The following SPA17 variants were observed in gnomAD, a reference collection of about 807,000 sequenced individuals.
SPA17 encodes the protein sperm autoantigenic protein 17, also known as sperm surface protein Sp17.
SPA17 carries 7 observed loss-of-function variants against 13.8 expected under a neutral mutation model. The observed-to-expected ratio is 0.51, with a 90% confidence interval of 0.29 to 0.95. The LOEUF (loss-of-function observed/expected upper bound fraction) is 0.95, where lower values mean the gene tolerates loss of function less well. Ranked by LOEUF, SPA17 falls within the 40% of genes least tolerant of loss-of-function variation. The pLI, the probability that SPA17 is intolerant of heterozygous loss-of-function variation, is 0.08. For synonymous variants in SPA17, 61 were observed against 59.0 expected (o/e 1.03, Z -0.16); for missense variants, 170 against 179.3 (o/e 0.95, Z 0.30).
intron 3 of SPA17, among the ~76,000 whole-genome samples, chr11:124,681,901 G>A (rs910467297): frequency 7.9e-5 from 12 of 152,026 alleles, no homozygotes; most frequent in African/African-American, 1.4e-4. Context: ...ATGATATTTC[G>A]TAGACCAAAA....
chr11:124,692,471 T>C (rs1394702673), intron 4 of SPA17, among the ~76,000 whole-genome samples: 2 of 151,924 alleles, frequency 1.3e-5, no homozygotes, highest in African/African-American at 4.8e-5. Flanking sequence ...TTCCAGCTAC[T>C]CGGGAGGCTG....
At chr11:124,690,868 A>G (rs1036357280) in intron 3 of SPA17, among the ~76,000 whole-genome samples, 4 of 152,172 alleles carry the variant, frequency 2.6e-5, no homozygotes, top group Non-Finnish European at 5.9e-5. Flanking sequence ...CTTATTACAC[A>G]AGTTTGAAAG....
chr11:124,687,318 A>G (rs1035590093), intron 3 of SPA17, among the ~76,000 whole-genome samples: 4 of 151,642 alleles, frequency 2.6e-5, no homozygotes, highest in Admixed American at 2.6e-4. Flanking sequence ...AACACCACCA[A>G]AAAAAAAGCC....
Position 124,675,280 on chromosome 11 carries a change from T to C in SPA17, c.16T>C (p.Ser6Pro). MSIPF[S>P]NTHYRIPQGF... Reference sequence around the variant, plus strand: ...TACCAAGAAGATGTCGATTCCATTCTCCAACACCCACTACCGAATTCCACA... The same window carrying C: ...TACCAAGAAGATGTCGATTCCATTCCCCAACACCCACTACCGAATTCCACA... The change falls in exon 2 of 5, where the codon TCC becomes CCC. Residue 6 changes from serine (S) to proline (P), a missense_variant. Transcript: ENST00000227135. 1 of 1,613,644 alleles carries C rather than the reference T, an allele frequency of 6.2e-7. No individual in the cohort carries two copies. Among genetic ancestry groups the C allele is most frequent in the Non-Finnish European group, 8.5e-7 (1 of 1,179,906 alleles).
chr11:124,681,675 TATTAA>T (rs1943532041), intron 3 of SPA17, among the ~76,000 whole-genome samples: 1 of 151,994 alleles, frequency 6.6e-6, no homozygotes. Context: ...TATTAAAACT[TATTAA>T]ATTAAAATTG....
rs144159886 is a variant in SPA17 at position 124,691,766 on chromosome 11, C to T, written c.296C>T (p.Thr99Ile). ...ESQISGKEEE[T>I]SVTILDSSEE... is the part of the protein sequence containing the mutation. Reference sequence around the variant, plus strand: ...CAGATATCTGGGAAGGAGGAAGAGACATCAGTCACCATCTTAGTATGTAAT... The same window carrying T: ...CAGATATCTGGGAAGGAGGAAGAGATATCAGTCACCATCTTAGTATGTAAT... Residue 99 changes from threonine (T) to isoleucine (I), a missense_variant, in exon 4 of 5, where the codon ACA becomes ATA. Thr to Ile is a moderately conservative substitution (Grantham distance 89). Transcript: ENST00000227135. The T allele has an allele frequency of 5.3e-5, 85 of 1,606,230 alleles. No individual in the cohort carries two copies. Among genetic ancestry groups the T allele is most frequent in the Non-Finnish European group, 6.9e-5 (81 of 1,174,802 alleles).
chr11:124,683,870 T>C (rs549635008), intron 3 of SPA17, among the ~76,000 whole-genome samples: 1 of 152,218 alleles, frequency 6.6e-6, no homozygotes, highest in South Asian at 2.1e-4. Flanking sequence ...TAGACTGCAA[T>C]ACAATAATAG....
At chr11:124,674,679 C>T (rs918457473) in intron 1 of SPA17, 1 of 152,202 alleles carries the variant, frequency 6.6e-6, no homozygotes, top group Non-Finnish European at 1.5e-5. Flanking sequence ...CCATCCCATC[C>T]CATCCCTCCC....
intron 3 of SPA17, among the ~76,000 whole-genome samples, chr11:124,683,032 G>A (rs75215888): frequency 2.0e-5 from 3 of 152,184 alleles, no homozygotes; most frequent in African/African-American, 4.8e-5. Flanking sequence ...ACTAATAACC[G>A]TACTTCTCAG....
intron 4 of SPA17, 163 bp from the exon 5 acceptor site, chr11:124,694,140 A>G (rs756976729): frequency 9.1e-6 from 7 of 773,058 alleles, no homozygotes; most frequent in South Asian, 2.6e-5. Flanking sequence ...GGCATTTGCC[A>G]TTTGGTACAT....
rs533540612 is a variant in SPA17, at chr11:124,696,878, A to T, written c.*2432A>T. ...GATGTCTATAGGCATCTCAAAAGTAACATATAAAAAATGAATCCTGATATT... is the reference window on the plus strand; with the variant it reads ...GATGTCTATAGGCATCTCAAAAGTATCATATAAAAAATGAATCCTGATATT... On this transcript the variant is annotated 3_prime_UTR_variant, in exon 5 of 5. Coordinates refer to ENST00000227135, the MANE Select transcript of SPA17 (RefSeq NM_017425.4). 1 of 152,310 alleles carries T rather than the reference A, an allele frequency of 6.6e-6. No individual in the cohort carries two copies. Among genetic ancestry groups the T allele is most frequent in the South Asian group, 2.1e-4 (1 of 4,824 alleles). The allele number at this position is 152,310 out of a possible 1,614,324, so 9.4% of individuals were successfully genotyped here. A position where few individuals can be genotyped will look rare whatever the true frequency, so the allele number is the denominator to read the frequency against.
rs763820496 is a variant in SPA17 at position 124,691,661 on chromosome 11, A to T, written c.226-35A>T. On this transcript the variant is annotated intron_variant, in intron 3 of 4. Transcript: ENST00000227135. ...GATACAAGACTTTGCCATTTTGGAAACATTGCTAATTGTGGCTCTCTCCTA... is the reference window on the plus strand; with the variant it reads ...GATACAAGACTTTGCCATTTTGGAATCATTGCTAATTGTGGCTCTCTCCTA... 4.1e-6 allele frequency: 6 copies of T among 1,464,702 alleles called. No homozygotes were observed. In the South Asian group the frequency reaches 7.7e-5, roughly 19 times the overall value. The allele number at this position is 1,464,702 out of a possible 1,614,324, so 90.7% of individuals were successfully genotyped here.
At chr11:124,676,836 C>T (rs2134406306) in intron 2 of SPA17, among the ~76,000 whole-genome samples, 1 of 152,292 alleles carries the variant, frequency 6.6e-6, no homozygotes, top group African/African-American at 2.4e-5. Context: ...ACCAAAGCCC[C>T]TTAACACAGA....
intron 3 of SPA17, among the ~76,000 whole-genome samples, chr11:124,683,425 C>T (rs928787708): frequency 2.7e-5 from 4 of 150,926 alleles, no homozygotes; most frequent in African/African-American, 4.9e-5. Context: ...AACCAGAAAG[C>T]AATTAACAAT....
intron 3 of SPA17, among the ~76,000 whole-genome samples, chr11:124,688,012 T>C (rs1423563577): frequency 6.6e-6 from 1 of 152,114 alleles, no homozygotes; most frequent in Non-Finnish European, 1.5e-5. Context: ...TTCACTGATA[T>C]ATATATGTAT....
chr11:124,675,360 G>T lies in SPA17; in HGVS notation c.96G>T (p.Pro32=), dbSNP rs775824867. The T allele has an allele frequency of 6.8e-6, 11 of 1,614,150 alleles. No individual in the cohort carries two copies. The South Asian group carries it at 1.2e-4, about 18-fold the overall frequency. ...CACGCGAGATTCTGAGAGAGCAACC[G>T]GACAATATACCAGCTTTTGCAGCAG... The part of the protein sequence containing the change: ...GLTREILREQ[P]DNIPAFAAAY... The change falls in exon 2 of 5, where the codon CCG becomes CCT. Residue 32 remains proline, a synonymous_variant. Coordinates refer to ENST00000227135, the MANE Select transcript of SPA17 (RefSeq NM_017425.4).
intron 2 of SPA17, among the ~76,000 whole-genome samples, chr11:124,677,595 CT>C (rs2134407390): frequency 6.6e-6 from 1 of 152,168 alleles, no homozygotes; most frequent in South Asian, 2.1e-4. Context: ...AGCTAAATTG[CT>C]TTAATTGCTT....
In SPA17 at chr11:124,681,424, G is replaced by A. The variant is rs777393484; in HGVS notation, c.190G>A (p.Val64Ile). The A allele has an allele frequency of 1.9e-6, 3 of 1,583,614 alleles. No individual in the cohort carries two copies. Among genetic ancestry groups the A allele is most frequent in the African/African-American group, 1.4e-5 (1 of 73,798 alleles). ...TGATCCAGCAGAATGGGGGAGTAAG[G>A]TAGAAGACCGCTTCTATAACAATCA... ...NFDPAEWGSK[V>I]EDRFYNNHAF... The change falls in exon 3 of 5, where the codon GTA becomes ATA. Residue 64 changes from valine (V) to isoleucine (I), a missense_variant. Coordinates refer to ENST00000227135, the MANE Select transcript of SPA17 (RefSeq NM_017425.4).
chr11:124,677,819 T>G (rs1488757358), intron 2 of SPA17, among the ~76,000 whole-genome samples: 1 of 152,204 alleles, frequency 6.6e-6, no homozygotes, highest in Non-Finnish European at 1.5e-5. Flanking sequence ...ACAGAAAATA[T>G]TGGCAAGAGG....
Sources: allele counts gnomAD v4.1 joint callset (sites outside exome capture counted in the v4.1 genomes callset), GRCh38; gene constraint gnomAD v4.1.1; transcripts MANE v1.5; gene names NCBI Gene and HGNC (gene_info 2026-07-23, HGNC 2026-07-21).